LGR4: variants seen among roughly 807,000 people sequenced by gnomAD.
LGR4 encodes the protein leucine rich repeat containing G protein-coupled receptor 4.
In LGR4, 44 loss-of-function variants were observed where a neutral mutation model predicts 84.8. The ratio of observed to expected loss-of-function variants is 0.52; its 90% CI spans 0.41 to 0.67. The LOEUF is 0.67. LGR4 is among the 30% of genes least tolerant of loss of function. The pLI is 0.00. For missense variants in LGR4, 1,032 were observed against 1,131.4 expected (o/e 0.91, Z 1.26); for synonymous variants, 429 against 434.3 (o/e 0.99, Z 0.15).
intron 1 of LGR4, among the ~76,000 whole-genome samples, chr11:27,441,306 C>T (rs1167187483): frequency 1.3e-5 from 2 of 151,494 alleles, no homozygotes; most frequent in African/African-American, 4.9e-5. Flanking sequence ...CTCCATTAAA[C>T]CATTACATCT....
intron 1 of LGR4, among the ~76,000 whole-genome samples, chr11:27,462,980 C>G (rs1465129746): frequency 6.7e-6 from 1 of 150,256 alleles, no homozygotes; most frequent in Non-Finnish European, 1.5e-5. Context: ...TACCTGTAAT[C>G]CCAGCATTTT....
At chr11:27,369,222 A>G (rs1862836106) in intron 17 of LGR4, 79 bp from the exon 18 acceptor site, 1 of 1,098,748 alleles carries the variant, frequency 9.1e-7, no homozygotes, top group Non-Finnish European at 1.3e-6. Context: ...GCTTGATAGA[A>G]AAACTAATGA....
At position 27,382,250 on chromosome 11, in the gene LGR4, C is replaced by T; in HGVS notation, c.696G>A (p.Leu232=). The T allele has an allele frequency of 6.2e-7, 1 of 1,602,130 alleles. No homozygotes were observed. The highest frequency in any genetic ancestry group is 8.5e-7 in the Non-Finnish European group (1 of 1,170,032). Residue 232 remains leucine, a synonymous_variant, in exon 7 of 18, where the codon TTG becomes TTA. Coordinates refer to ENST00000379214, the MANE Select transcript of LGR4 (RefSeq NM_018490.5). ...GAAATTCCCCCAAGTTATTATAATT[C>T]AAGTCTCTAGAAAAAAATGGGTGAA... ...DGLDNLETLD[L]NYNNLGEFPQ...
In LGR4 at chr11:27,459,544, T is replaced by G. The variant is rs928140561; in HGVS notation, c.185+12574A>C. Among the ~76,000 whole-genome samples the G allele has an allele frequency of 4.0e-5, 6 of 151,814 alleles. No homozygotes were observed. In the East Asian group the frequency reaches 1.2e-3, roughly 30 times the overall value. ...CAGGCTAGAGTGCAGTGGTGCGATC[T>G]CGGTTCACTGCAACCTCCACCTCCT... is the stretch of plus-strand genomic sequence containing the variant. On this transcript the variant is annotated intron_variant, in intron 1 of 17. Transcript: ENST00000379214.
chr11:27,377,080 C>T (rs1188920876), intron 12 of LGR4, 78 bp downstream of exon 12: 2 of 761,226 alleles, frequency 2.6e-6, no homozygotes, highest in Non-Finnish European at 4.4e-6. Context: ...ACTATTAAAG[C>T]CATCTATTAA....
rs774938975 is a variant in LGR4 at position 27,368,573 on chromosome 11, G to C, written c.2150C>G (p.Ala717Gly). ...GTAGATAACGGCCATTAATAAAAAT[G>C]CTAGTGAGTTTAATAGCACTAACGT... is the stretch of plus-strand genomic sequence containing the variant. Reference protein sequence around the residue: ...TVTLVLLNSLAFLLMAVIYTK... With the variant: ...TVTLVLLNSLGFLLMAVIYTK... Residue 717 changes from alanine to glycine, a missense_variant, in exon 18 of 18, where the codon GCA becomes GGA. Coordinates refer to ENST00000379214, the MANE Select transcript of LGR4 (RefSeq NM_018490.5). 34 of 1,604,866 alleles carry C rather than the reference G, an allele frequency of 2.1e-5. No individual in the cohort carries two copies. The highest frequency in any genetic ancestry group is 2.6e-5 in the Non-Finnish European group (31 of 1,175,618).
intron 1 of LGR4, among the ~76,000 whole-genome samples, chr11:27,460,342 G>C (rs1864658934): frequency 6.6e-6 from 1 of 151,884 alleles, no homozygotes; most frequent in African/African-American, 2.4e-5. Flanking sequence ...TCTTTCTGTG[G>C]GCTGACAAGA....
chr11:27,424,091 G>A (rs1191327567), intron 1 of LGR4, among the ~76,000 whole-genome samples: 1 of 152,138 alleles, frequency 6.6e-6, no homozygotes, highest in African/African-American at 2.4e-5. Flanking sequence ...AGCAGTTTCT[G>A]TTACTAAATT....
At chr11:27,440,489 C>T (rs1864287459) in intron 1 of LGR4, among the ~76,000 whole-genome samples, 1 of 152,182 alleles carries the variant, frequency 6.6e-6, no homozygotes, top group Admixed American at 6.5e-5. Flanking sequence ...TCCAGTTTTA[C>T]AGAGCACAAT....
chr11:27,434,166 G>A (rs1160839364), intron 1 of LGR4, among the ~76,000 whole-genome samples: 1 of 152,178 alleles, frequency 6.6e-6, no homozygotes, highest in African/African-American at 2.4e-5. Flanking sequence ...CACATATTCA[G>A]CCTCCAAAAC....
chr11:27,455,455 T>TGAAAA (rs1415369520), intron 1 of LGR4, among the ~76,000 whole-genome samples: 6 of 152,218 alleles, frequency 3.9e-5, no homozygotes, highest in African/African-American at 1.4e-4. Context: ...ATAACTACCA[T>TGAAAA]GTCTATAAAC....
chr11:27,376,152 A>ATT, intron 13 of LGR4, 147 bp downstream of exon 13: 2 of 508,080 alleles, frequency 3.9e-6, no homozygotes, highest in African/African-American at 2.1e-5. Flanking sequence ...AATTTTTTGT[A>ATT]TTTAGTAGAG....
intron 2 of LGR4, among the ~76,000 whole-genome samples, chr11:27,399,717 C>T (rs533770143): frequency 6.6e-6 from 1 of 152,200 alleles, no homozygotes; most frequent in African/African-American, 2.4e-5. Context: ...ACAGGTTTCA[C>T]CACGTTGGCC....
chr11:27,369,909 G>A (rs2133359329), intron 17 of LGR4, among the ~76,000 whole-genome samples: 1 of 152,192 alleles, frequency 6.6e-6, no homozygotes, highest in African/African-American at 2.4e-5. Flanking sequence ...AATATAGCTA[G>A]GACTACACCT....
chr11:27,461,891 T>C lies in LGR4; in HGVS notation c.185+10227A>G, dbSNP rs187291100. ...TGGAGTCTCACTCTGTCGTCCAGGC[T>C]GGATCTTGGCTCACTGCAACCTCCC... On this transcript the variant is annotated intron_variant, in intron 1 of 17. Coordinates refer to ENST00000379214, the MANE Select transcript of LGR4 (RefSeq NM_018490.5). Among the ~76,000 whole-genome samples the C allele has an allele frequency of 3.0e-5, 4 of 133,448 alleles. No individual in the cohort carries two copies. The Admixed American group carries it at 3.5e-4, about 12-fold the overall frequency. 87.5% of individuals were successfully genotyped at this position (133,448 alleles called of 152,430 possible).
At chr11:27,437,660 AGTGTGTGTGT>A (rs10659033) in intron 1 of LGR4, among the ~76,000 whole-genome samples, 21 of 140,042 alleles carry the variant, frequency 1.5e-4, no homozygotes, top group Admixed American at 5.1e-4. Flanking sequence ...TTAAAGGACT[AGTGTGTGTGT>A]GTGTGTGTGT....
intron 1 of LGR4, among the ~76,000 whole-genome samples, chr11:27,449,617 T>C (rs1864449370): frequency 6.6e-6 from 1 of 150,862 alleles, no homozygotes; most frequent in South Asian, 2.1e-4. Context: ...TTATTTACTA[T>C]TATTAAAAAA....
intron 1 of LGR4, among the ~76,000 whole-genome samples, chr11:27,416,299 C>T (rs1308570429): frequency 1.3e-5 from 2 of 152,174 alleles, no homozygotes; most frequent in Non-Finnish European, 2.9e-5. Flanking sequence ...GGACTTACTA[C>T]CACCAGCTGT....
intron 16 of LGR4, among the ~76,000 whole-genome samples, chr11:27,372,024 T>G (rs1413655214): frequency 1.3e-5 from 2 of 152,034 alleles, no homozygotes; most frequent in African/African-American, 4.8e-5. Context: ...GCCACTACAC[T>G]CAGCTAGTTT....
Sources: allele counts gnomAD v4.1 joint callset (sites outside exome capture counted in the v4.1 genomes callset), GRCh38; gene constraint gnomAD v4.1.1; transcripts MANE v1.5; gene names NCBI Gene and HGNC (gene_info 2026-07-23, HGNC 2026-07-21).